The following ADAMTS13 variants were observed in gnomAD, a reference collection of about 807,000 sequenced individuals.
The protein encoded by ADAMTS13 is ADAM metallopeptidase with thrombospondin type 1 motif 13, also known as A disintegrin and metalloproteinase with thrombospondin motifs 13.
In ADAMTS13, 110 loss-of-function variants were observed where a neutral mutation model predicts 155.1. That is an observed-to-expected ratio of 0.71 (90% confidence interval 0.61 to 0.83). The LOEUF is 0.83. ADAMTS13 is among the 40% of genes least tolerant of loss of function. The pLI is 0.00. For missense variants in ADAMTS13, 1,707 were observed against 1,891.7 expected (o/e 0.90, Z 1.81); for synonymous variants, 758 against 756.4 (o/e 1.00, Z -0.03).
At chr9:133,427,946 T>C (rs3758349) in intron 6 of ADAMTS13, among the ~76,000 whole-genome samples, 51,230 of 152,142 alleles carry the variant, frequency 0.34, 9,941 homozygotes, top group Non-Finnish European at 0.43. Context: ...GGCAAACTGG[T>C]ATGGCACACT....
At chr9:133,414,795 T>C in intron 1 of ADAMTS13, 1 of 1,614,194 alleles carries the variant, frequency 6.2e-7, no homozygotes, top group Non-Finnish European at 8.5e-7. Flanking sequence ...CCACTGGCCT[T>C]GGTGCGAGGT....
chr9:133,445,550 C>A lies in ADAMTS13; in HGVS notation c.2611-149C>A. 8.0e-7 allele frequency: 1 copy of A among 1,243,186 alleles called. No homozygotes were observed. The highest frequency in any genetic ancestry group is 1.2e-6 in the Non-Finnish European group (1 of 867,288). 77.0% of individuals were successfully genotyped at this position (1,243,186 alleles called of 1,614,324 possible). On this transcript the variant is annotated intron_variant, in intron 20 of 28. Coordinates refer to ENST00000355699, the MANE Select transcript of ADAMTS13 (RefSeq NM_139027.6). This position sits in a 1 kb window ranked among gnomAD's most constrained non-coding sequence, Gnocchi z 5.0. ...GGATACCCGCTGCGAGACCGGGGAG[C>A]CGATCTCGCCAAGGGAGGAGGGGAG...
chr9:133,430,273 A>G (rs1840654201), intron 8 of ADAMTS13, 172 bp downstream of exon 8: 12 of 891,802 alleles, frequency 1.3e-5, no homozygotes, highest in South Asian at 4.3e-5. Context: ...ATTATTTAAA[A>G]TGTTTGAACA....
In ADAMTS13 at chr9:133,443,541, C is replaced by T; in HGVS notation, c.2400C>T (p.Asn800=). 1 of 1,562,462 alleles carries T rather than the reference C, an allele frequency of 6.4e-7. No individual in the cohort carries two copies. Among genetic ancestry groups the T allele is most frequent in the Non-Finnish European group, 8.6e-7 (1 of 1,160,300 alleles). ...QQPAVALETC[N]PQPCPARWEV... is the part of the protein sequence containing the mutation. ...CAGCTGTGGCGCTGGAAACCTGCAACCCCCAGCCCTGCCCTGCCAGGTGAG... is the reference window on the plus strand; with the variant it reads ...CAGCTGTGGCGCTGGAAACCTGCAATCCCCAGCCCTGCCCTGCCAGGTGAG... Residue 800 remains asparagine (N), a synonymous_variant, in exon 19 of 29, where the codon AAC becomes AAT. Transcript: ENST00000355699.
At position 133,440,750 on chromosome 9, in the gene ADAMTS13, C is replaced by G. The variant is rs1186032595; in HGVS notation, c.1968+225C>G. 6.6e-6 allele frequency among the ~76,000 whole-genome samples: 1 copy of G among 152,132 alleles called. No homozygotes were observed. Among genetic ancestry groups the G allele is most frequent in the Admixed American group, 6.6e-5 (1 of 15,266 alleles). On this transcript the variant is annotated intron_variant, in intron 16 of 28. Transcript: ENST00000355699. The surrounding 1 kb of genome is among the most constrained non-coding windows in gnomAD (Gnocchi z 4.3). ...TCCAAATGTGCCTGTGCCCAGAGCC[C>G]GTGGGAGAAGGCCCTGCAGTTCTGG...
intron 23 of ADAMTS13, among the ~76,000 whole-genome samples, chr9:133,451,200 C>T (rs1000157935): frequency 6.6e-6 from 1 of 152,188 alleles, no homozygotes; most frequent in African/African-American, 2.4e-5. Context: ...ATGTATGTTC[C>T]AGCACTCCAG....
At chr9:133,430,695 A>AT (rs1186301807) in intron 8 of ADAMTS13, among the ~76,000 whole-genome samples, 1,274 of 44,936 alleles carry the variant, frequency 0.028, 52 homozygotes, top group East Asian at 0.17. Context: ...TTTTTTTCCT[A>AT]TTTTTTTTTT....
chr9:133,437,958 T>G (rs1841376092), intron 13 of ADAMTS13, 61 bp downstream of exon 13: 2 of 1,608,780 alleles, frequency 1.2e-6, no homozygotes, highest in Admixed American at 1.7e-5. Flanking sequence ...GGAAGGCTCC[T>G]GGGGGCAGGT....
At chr9:133,415,161 C>T (rs180774035) in intron 1 of ADAMTS13, 53 of 674,000 alleles carry the variant, frequency 7.9e-5, no homozygotes, top group African/African-American at 5.8e-4. Flanking sequence ...CATTTTCAAA[C>T]GGTTTGGAAA....
chr9:133,422,774 C>T (rs1840033800), intron 1 of ADAMTS13, among the ~76,000 whole-genome samples: 1 of 151,998 alleles, frequency 6.6e-6, no homozygotes, highest in Non-Finnish European at 1.5e-5. Flanking sequence ...CAGACAGATA[C>T]TAGTTTGTCC....
chr9:133,456,313 A>C lies in ADAMTS13; in HGVS notation c.3547+98A>C. 1.3e-6 allele frequency: 2 copies of C among 1,572,750 alleles called. No individual in the cohort carries two copies. Among genetic ancestry groups the C allele is most frequent in the Non-Finnish European group, 1.7e-6 (2 of 1,154,260 alleles). On this transcript the variant is annotated intron_variant, in intron 26 of 28. Coordinates refer to ENST00000355699, the MANE Select transcript of ADAMTS13 (RefSeq NM_139027.6). This position sits in a 1 kb window ranked among gnomAD's most constrained non-coding sequence, Gnocchi z 4.4. ...CCATTCCTGGCAGGAGCCCATGTGC[A>C]TTCCCACCTGTAGTTTGCATCCCAT... is the stretch of plus-strand genomic sequence containing the variant.
Position 133,445,945 on chromosome 9 carries a change from G to T in ADAMTS13, c.2731+126G>T. 7.5e-7 allele frequency: 1 copy of T among 1,332,466 alleles called. No homozygotes were observed. Among genetic ancestry groups the T allele is most frequent in the African/African-American group, 1.5e-5 (1 of 67,870 alleles). The allele number at this position is 1,332,466 out of a possible 1,614,324, so 82.5% of individuals were successfully genotyped here. On this transcript the variant is annotated intron_variant, in intron 21 of 28. Coordinates refer to ENST00000355699, the MANE Select transcript of ADAMTS13 (RefSeq NM_139027.6). The surrounding 1 kb of genome is among the most constrained non-coding windows in gnomAD (Gnocchi z 5.0). ...GAAAATCCAGACTATATGGGAACACGTGGTAATACACAAGGAGACTAAGCA... is the reference window on the plus strand; with the variant it reads ...GAAAATCCAGACTATATGGGAACACTTGGTAATACACAAGGAGACTAAGCA...
At position 133,424,343 on chromosome 9, in the gene ADAMTS13, CCAGAGGCAGAGG is replaced by C. The variant is rs781853881; in HGVS notation, c.209_220del (p.Gln70_Arg73del). The C allele has an allele frequency of 3.5e-5, 57 of 1,613,090 alleles. No homozygotes were observed. The highest frequency in any genetic ancestry group is 1.3e-4 in the East Asian group (6 of 44,872). On this transcript the variant is annotated inframe_deletion, in exon 3 of 29. Transcript: ENST00000355699. This position sits in a 1 kb window ranked among gnomAD's most constrained non-coding sequence, Gnocchi z 4.3. ...CAGGCCGCCCTCCTTCCCCTGGCTT[CCAGAGGCAGAGG>C]CAGAGGCAGAGGCGGGCTGCAGGCG... is the stretch of plus-strand genomic sequence containing the variant.
intron 6 of ADAMTS13, among the ~76,000 whole-genome samples, chr9:133,428,327 C>G (rs1840422109): frequency 1.3e-5 from 2 of 152,236 alleles, no homozygotes; most frequent in South Asian, 4.1e-4. Flanking sequence ...CCCACAGACT[C>G]CTAACACCAT....
chr9:133,423,856 C>T (rs1554784302), intron 2 of ADAMTS13, among the ~76,000 whole-genome samples: 1 of 152,268 alleles, frequency 6.6e-6, no homozygotes, highest in East Asian at 1.9e-4. Flanking sequence ...GCTGCCGCTC[C>T]TGAAAGGCTG....
chr9:133,449,847 T>C lies in ADAMTS13; in HGVS notation c.2926T>C (p.Tyr976His). 1 of 1,614,062 alleles carries C rather than the reference T, an allele frequency of 6.2e-7. No homozygotes were observed. The highest frequency in any genetic ancestry group is 1.3e-5 in the African/African-American group (1 of 75,036). Reference sequence around the variant, plus strand: ...GAGAGGGGTCGTGCGGAGGATCCTGTATTGTGCCCGGGCCCATGGGGAGGA... The same window carrying C: ...GAGAGGGGTCGTGCGGAGGATCCTGCATTGTGCCCGGGCCCATGGGGAGGA... ...CGRGVVRRILYCARAHGEDDG... is the reference protein window; with the variant it reads ...CGRGVVRRILHCARAHGEDDG... The change falls in exon 23 of 29, where the codon TAT becomes CAT. Residue 976 changes from tyrosine (Y) to histidine (H), a missense_variant. By Grantham distance (83) the Tyr-to-His change is moderately conservative. Transcript: ENST00000355699.
intron 23 of ADAMTS13, among the ~76,000 whole-genome samples, chr9:133,453,073 G>C (rs111783898): frequency 1.3e-5 from 2 of 151,866 alleles, no homozygotes; most frequent in Non-Finnish European, 2.9e-5. Context: ...AGGCTGAGGC[G>C]GGAGGATTGC....
In ADAMTS13 at chr9:133,454,597, G is replaced by A; in HGVS notation, c.3227G>A (p.Trp1076Ter). ...CTCATTGCCGACTGCACCTACCGCT[G>A]GCATGTTGGCACCTGGATGGAGGTG... ...PCLIADCTYR[W>*]HVGTWMECSV... Residue 1076 changes from tryptophan to a stop codon, truncating the protein, a stop_gained, in exon 24 of 29, where the codon TGG becomes TAG. Transcript: ENST00000355699. LOFTEE classifies it high-confidence loss of function. The A allele has an allele frequency of 6.2e-7, 1 of 1,603,610 alleles. No homozygotes were observed. The highest frequency in any genetic ancestry group is 1.1e-5 in the South Asian group (1 of 90,916).
At position 133,437,730 on chromosome 9, in the gene ADAMTS13, T is replaced by C; in HGVS notation, c.1436-19T>C. On this transcript the variant is annotated intron_variant, in intron 12 of 28. Coordinates refer to ENST00000355699, the MANE Select transcript of ADAMTS13 (RefSeq NM_139027.6). ...CTCCTGCTCGGTTCAGGACACCCTT[T>C]TTCACTCTGCCCTCCCAGGGGATGC... 1 of 1,613,606 alleles carries C rather than the reference T, an allele frequency of 6.2e-7. No homozygotes were observed. The highest frequency in any genetic ancestry group is 1.3e-5 in the African/African-American group (1 of 75,036).
Sources: allele counts gnomAD v4.1 joint callset (sites outside exome capture counted in the v4.1 genomes callset), GRCh38; gene constraint gnomAD v4.1.1; non-coding constraint Gnocchi (gnomAD v3.1); transcripts MANE v1.5; gene names NCBI Gene and HGNC (gene_info 2026-07-23, HGNC 2026-07-21).